TMEM164: variants seen among roughly 807,000 people sequenced by gnomAD.
The protein encoded by TMEM164 is RP13-360B22.2.
A neutral mutation model predicts 18.8 loss-of-function variants in TMEM164; 4 were observed. That is an observed-to-expected ratio of 0.21 (90% CI 0.10 to 0.49). The LOEUF (loss-of-function observed/expected upper bound fraction) is 0.49. Among genes scored for constraint, TMEM164 ranks in the 20% least tolerant of loss-of-function variants. The probability of loss-of-function intolerance (pLI) is 0.98; values close to 1 mark genes in which losing one functional copy is unlikely to be tolerated. For synonymous variants in TMEM164, 86 were observed against 101.7 expected, an observed-to-expected ratio of 0.85 and a Z score of 0.93; for missense variants, 108 against 239.9, an observed-to-expected ratio of 0.45 and a Z score of 3.63.
intron 2 of TMEM164, among the ~76,000 whole-genome samples, chrX:110,056,591 T>C (rs1356485141): frequency 8.9e-6 from 1 of 112,112 alleles, no homozygotes; most frequent in Non-Finnish European, 1.9e-5. Flanking sequence ...GATAACTCTA[T>C]GTTTAACCTC....
At chrX:110,112,101 T>C (rs773349692) in intron 4 of TMEM164, among the ~76,000 whole-genome samples, 2 of 110,666 alleles carry the variant, frequency 1.8e-5, no homozygotes, top group Non-Finnish European at 3.8e-5. Flanking sequence ...CCCAGCACTT[T>C]GGGAGGTGGA....
chrX:110,122,319 G>A (rs1044415801), intron 4 of TMEM164, among the ~76,000 whole-genome samples: 2 of 106,132 alleles, frequency 1.9e-5, no homozygotes, highest in East Asian at 2.9e-4. Context: ...GTAAACTATC[G>A]CAAGAACAAA....
At chrX:110,034,722 A>G (rs1934688263) in intron 2 of TMEM164, among the ~76,000 whole-genome samples, 1 of 107,485 alleles carries the variant, frequency 9.3e-6, no homozygotes, top group Non-Finnish European at 1.9e-5. Context: ...ATTACTGGGT[A>G]TATACCCAAA....
intron 4 of TMEM164, among the ~76,000 whole-genome samples, chrX:110,133,856 T>C (rs1308653010): frequency 8.9e-6 from 1 of 111,934 alleles, no homozygotes; most frequent in East Asian, 2.8e-4. Flanking sequence ...AAATGGTAAA[T>C]TGTGGTTTCT....
At chrX:110,140,180 A>G (rs1172479610) in intron 4 of TMEM164, among the ~76,000 whole-genome samples, 1 of 111,627 alleles carries the variant, frequency 9.0e-6, no homozygotes, top group Non-Finnish European at 1.9e-5. Context: ...AAATCCGTAA[A>G]TGACTGCAAC....
chrX:110,108,725 G>T (rs1032865341), intron 3 of TMEM164, among the ~76,000 whole-genome samples: 1 of 111,668 alleles, frequency 9.0e-6, no homozygotes, highest in African/African-American at 3.3e-5. Flanking sequence ...CTTACCTCCC[G>T]CAGTTCCCCT....
At chrX:110,100,037 C>G (rs957070866) in intron 3 of TMEM164, among the ~76,000 whole-genome samples, 2 of 112,252 alleles carry the variant, frequency 1.8e-5, no homozygotes, top group Admixed American at 1.9e-4. Flanking sequence ...TGTGTGTTGA[C>G]TTCGCATCCT....
At chrX:110,153,606 C>A (rs1300088718) in intron 5 of TMEM164, among the ~76,000 whole-genome samples, 1 of 111,746 alleles carries the variant, frequency 8.9e-6, no homozygotes, top group Non-Finnish European at 1.9e-5. Context: ...ACCACAAATA[C>A]CAAAATCCAA....
chrX:110,156,296 ATACTT>A (rs1407476752), intron 5 of TMEM164, among the ~76,000 whole-genome samples: 2 of 112,137 alleles, frequency 1.8e-5, no homozygotes, highest in Admixed American at 1.9e-4. Flanking sequence ...TACTTTTATT[ATACTT>A]TATTATAATA....
intron 4 of TMEM164, among the ~76,000 whole-genome samples, chrX:110,131,947 G>C (rs1280049207): frequency 8.9e-6 from 1 of 111,747 alleles, no homozygotes; most frequent in Non-Finnish European, 1.9e-5. Flanking sequence ...TGGCTAGGTA[G>C]TACCTATATT....
chrX:110,044,078 G>A (rs1046033332), intron 2 of TMEM164, among the ~76,000 whole-genome samples: 1 of 112,289 alleles, frequency 8.9e-6, no homozygotes, highest in African/African-American at 3.2e-5. Flanking sequence ...ACCAACAATA[G>A]AGGCACTATA....
intron 2 of TMEM164, chrX:110,020,631 T>C (rs1294782944): frequency 1.3e-6 from 1 of 752,633 alleles, no homozygotes; most frequent in Non-Finnish European, 1.6e-6. Context: ...TCATGAAATG[T>C]AGAGGGTGAG....
chrX:110,020,389 A>G (rs1352865490), intron 2 of TMEM164: 2 of 754,554 alleles, frequency 2.7e-6, no homozygotes, highest in East Asian at 1.5e-4. Context: ...CCAGCAGGCT[A>G]TTAAGATGTG....
chrX:110,073,946 C>T (rs1020681953), intron 3 of TMEM164, among the ~76,000 whole-genome samples: 22 of 111,009 alleles, frequency 2.0e-4, no homozygotes, highest in African/African-American at 5.9e-4. Context: ...GGCCTGATCT[C>T]GGCTCACTGT....
intron 2 of TMEM164, among the ~76,000 whole-genome samples, chrX:110,017,849 G>A (rs1933565163): frequency 1.8e-5 from 2 of 110,506 alleles, no homozygotes; most frequent in Non-Finnish European, 1.9e-5. Flanking sequence ...GATTACAGGC[G>A]TGAGCCACTG....
intron 2 of TMEM164, among the ~76,000 whole-genome samples, chrX:110,054,635 G>T (rs1935730306): frequency 8.9e-6 from 1 of 111,995 alleles, no homozygotes; most frequent in South Asian, 3.7e-4. Flanking sequence ...ATTACTGGCT[G>T]CAGTTTTGAC....
chrX:110,055,102 C>G (rs1174365219), intron 2 of TMEM164, among the ~76,000 whole-genome samples: 1 of 111,625 alleles, frequency 9.0e-6, no homozygotes. Context: ...TGTTCTCTCT[C>G]CACTGCTGGA....
intron 2 of TMEM164, among the ~76,000 whole-genome samples, chrX:110,049,946 T>G (rs1015647095): frequency 9.0e-6 from 1 of 111,598 alleles, no homozygotes; most frequent in Non-Finnish European, 1.9e-5. Flanking sequence ...AAAGCTAAAC[T>G]CAAAGGCCTT....
intron 4 of TMEM164, among the ~76,000 whole-genome samples, chrX:110,140,196 G>C (rs1401710768): frequency 9.0e-6 from 1 of 111,624 alleles, no homozygotes; most frequent in Non-Finnish European, 1.9e-5. Context: ...GCAACAGAAA[G>C]GAGTAGTGGG....
Sources: gnomAD v4.1 joint callset for allele counts (sites outside exome capture counted in the v4.1 genomes callset) on GRCh38, gnomAD v4.1.1 for gene constraint, MANE v1.5 for transcripts, NCBI Gene and HGNC (gene_info 2026-07-23, HGNC 2026-07-21) for gene names.